The following ZBTB46 variants were observed in gnomAD, a reference collection of about 807,000 sequenced individuals.
ZBTB46 encodes zinc finger and BTB domain-containing protein 46.
Under a neutral mutation model 44.1 loss-of-function variants are expected in ZBTB46, and 8 were observed. The ratio of observed to expected loss-of-function variants is 0.18; its 90% CI spans 0.11 to 0.33. ZBTB46 has a LOEUF of 0.33. ZBTB46 is among the 10% of genes least tolerant of loss of function. ZBTB46 has a pLI of 1.00. For missense variants in ZBTB46, 651 were observed against 847.7 expected, an observed-to-expected ratio of 0.77 and a Z score of 2.88; for synonymous variants, 409 against 382.3, an observed-to-expected ratio of 1.07 and a Z score of -0.81.
chr20:63,775,694 C>G lies in ZBTB46; in HGVS notation c.1206G>C (p.Gly402=). ...GSLLFEYLPR[G]AHSLSLNEFT... is the part of the protein sequence containing the mutation. ...TGCACTTACGGGACAGCGAGTGGGCCCCTCTGGGCAGGTACTCGAACAGCA... is the reference window on the plus strand; with the variant it reads ...TGCACTTACGGGACAGCGAGTGGGCGCCTCTGGGCAGGTACTCGAACAGCA... Residue 402 remains glycine (G), a synonymous_variant, in exon 3 of 5, where the codon GGG becomes GGC. Transcript: ENST00000245663. 2 of 1,579,230 alleles carry G rather than the reference C, an allele frequency of 1.3e-6. No individual in the cohort carries two copies. Among genetic ancestry groups the G allele is most frequent in the Middle Eastern group, 3.5e-4 (2 of 5,788 alleles).
In ZBTB46 at chr20:63,748,865, A is replaced by G. The variant is rs553507487; in HGVS notation, c.1399-1564T>C. On this transcript the variant is annotated intron_variant, in intron 4 of 4. Transcript: ENST00000245663. ...TTCTCCCATGAGCAAGTACATACAT[A>G]ATCAATGTGTGTCATGGCGGAAGAC... Among the ~76,000 whole-genome samples the G allele has an allele frequency of 4.6e-5, 7 of 152,318 alleles. No homozygotes were observed. The East Asian group carries it at 5.8e-4, about 13-fold the overall frequency.
In ZBTB46 at chr20:63,814,092, G is replaced by A. The variant is rs1002575856; in HGVS notation, c.-34+17005C>T. Among the ~76,000 whole-genome samples, 5 of 152,118 alleles carry A rather than the reference G, an allele frequency of 3.3e-5. No homozygotes were observed. In the East Asian group the frequency reaches 7.7e-4, roughly 24 times the overall value. On this transcript the variant is annotated intron_variant, in intron 1 of 4. Coordinates refer to ENST00000245663, the MANE Select transcript of ZBTB46 (RefSeq NM_001369741.1). ...TATTAAAAATACAAAAATTAGCCGG[G>A]CATGGCAGTGGGCGCCTGTAGTCCC... is the stretch of plus-strand genomic sequence containing the variant.
At chr20:63,806,803 G>C (rs1365607749) in intron 1 of ZBTB46, among the ~76,000 whole-genome samples, 1 of 149,660 alleles carries the variant, frequency 6.7e-6, no homozygotes, top group Non-Finnish European at 1.5e-5. Context: ...TTTTTTTTGA[G>C]ATGGAGTCTC....
chr20:63,792,235 C>T (rs1354722691), intron 1 of ZBTB46, among the ~76,000 whole-genome samples: 1 of 152,184 alleles, frequency 6.6e-6, no homozygotes, highest in African/African-American at 2.4e-5. Flanking sequence ...GACACGTTCA[C>T]CCCACAGCCC....
In ZBTB46 at chr20:63,760,218, G is replaced by T. The variant is rs1317434815; in HGVS notation, c.1223-7357C>A. On this transcript the variant is annotated intron_variant, in intron 3 of 4. Transcript: ENST00000245663. ...CATTTTCTTCCGTTAAAATTGGAAA[G>T]AATTCACTAGTAAAGGCACTCGCCC... 4.6e-5 allele frequency among the ~76,000 whole-genome samples: 7 copies of T among 152,286 alleles called. No homozygotes were observed. In the Middle Eastern group the frequency reaches 0.017, roughly 370 times the overall value.
chr20:63,784,904 T>C (rs966880058), intron 2 of ZBTB46, among the ~76,000 whole-genome samples: 3 of 152,186 alleles, frequency 2.0e-5, no homozygotes, highest in African/African-American at 7.2e-5. Flanking sequence ...CGGCGTCGAA[T>C]GATCCACGGT....
chr20:63,833,286 C>T (rs1331102604), upstream of ZBTB46, among the ~76,000 whole-genome samples: 1 of 152,248 alleles, frequency 6.6e-6, no homozygotes, highest in Non-Finnish European at 1.5e-5. Flanking sequence ...TTAGGGCTGC[C>T]TGTCTTGGTA....
rs543425636 is a variant in ZBTB46 at position 63,771,452 on chromosome 20, G to A, written c.1222+4226C>T. Among the ~76,000 whole-genome samples, 37 of 152,286 alleles carry A rather than the reference G, an allele frequency of 2.4e-4. 1 individual carries two copies. In the Middle Eastern group the frequency reaches 0.01, roughly 42 times the overall value. ...CTGGCGCTCCCGCACGGTGTTGAGA[G>A]ACTTAGAAGTCCGTGAGTTCAACGC... On this transcript the variant is annotated intron_variant, in intron 3 of 4. Transcript: ENST00000245663.
At chr20:63,828,538 A>G (rs552204269) in intron 1 of ZBTB46, among the ~76,000 whole-genome samples, 129 of 152,338 alleles carry the variant, frequency 8.5e-4, no homozygotes, top group African/African-American at 3.1e-3. Flanking sequence ...AGTAGAGGGA[A>G]GTATCAACCA....
At chr20:63,794,434 C>A (rs2092585333) in intron 1 of ZBTB46, among the ~76,000 whole-genome samples, 1 of 152,064 alleles carries the variant, frequency 6.6e-6, no homozygotes, top group South Asian at 2.1e-4. Flanking sequence ...CTCAAGCGAT[C>A]TTCCCACCTC....
rs532829361 is a variant in ZBTB46, at chr20:63,780,621, T to C, written c.938-4659A>G. ...TTCAAGACCATCCTGGCTAACATGG[T>C]GAAACCCCGTCTCTACTAAAAATAC... On this transcript the variant is annotated intron_variant, in intron 2 of 4. Transcript: ENST00000245663. Among the ~76,000 whole-genome samples the C allele has an allele frequency of 2.1e-3, 325 of 151,556 alleles. 1 individual carries two copies. The highest frequency in any genetic ancestry group is 7.6e-3 in the African/African-American group (312 of 41,300).
chr20:63,818,475 C>T (rs2092772744), intron 1 of ZBTB46, among the ~76,000 whole-genome samples: 1 of 152,214 alleles, frequency 6.6e-6, no homozygotes, highest in Non-Finnish European at 1.5e-5. Context: ...AGGGCATGTT[C>T]TACAGCAACA....
intron 1 of ZBTB46, among the ~76,000 whole-genome samples, chr20:63,826,932 G>C (rs549036911): frequency 3.3e-5 from 5 of 152,196 alleles, no homozygotes; most frequent in Non-Finnish European, 7.3e-5. Context: ...TCTCCGGGAA[G>C]CAGGGTTTGG....
upstream of ZBTB46, among the ~76,000 whole-genome samples, chr20:63,831,462 C>T (rs1222794772): frequency 6.9e-6 from 1 of 144,880 alleles, no homozygotes; most frequent in East Asian, 2.0e-4. Flanking sequence ...CTCCCGGCGC[C>T]GCGCCGCGGG....
intron 1 of ZBTB46, among the ~76,000 whole-genome samples, chr20:63,808,322 CCAGCCCTTG>C (rs1219169989): frequency 1.4e-3 from 216 of 152,362 alleles, no homozygotes; most frequent in African/African-American, 4.9e-3. Flanking sequence ...GCCATCCTTC[CCAGCCCTTG>C]CCCCGGGGGC....
rs143964167 is a variant in ZBTB46 at position 63,769,724 on chromosome 20, G to A, written c.1222+5954C>T. Among the ~76,000 whole-genome samples the A allele has an allele frequency of 2.8e-3, 425 of 152,312 alleles. 1 individual carries two copies. Among genetic ancestry groups the A allele is most frequent in the African/African-American group, 9.7e-3 (404 of 41,576 alleles). On this transcript the variant is annotated intron_variant, in intron 3 of 4. Coordinates refer to ENST00000245663, the MANE Select transcript of ZBTB46 (RefSeq NM_001369741.1). Reference sequence around the variant, plus strand: ...CAAGGCACGCTGGCCTGGACCACCTGAAAGTGCAGCACCATGTCCACCAAA... The same window carrying A: ...CAAGGCACGCTGGCCTGGACCACCTAAAAGTGCAGCACCATGTCCACCAAA...
intron 1 of ZBTB46, among the ~76,000 whole-genome samples, chr20:63,791,120 C>G (rs1198706801): frequency 2.0e-5 from 3 of 152,238 alleles, no homozygotes. Flanking sequence ...CTGAGCAACT[C>G]TTACCCAAAC....
At chr20:63,753,676 C>T (rs944376150) in intron 3 of ZBTB46, among the ~76,000 whole-genome samples, 14 of 152,260 alleles carry the variant, frequency 9.2e-5, no homozygotes, top group African/African-American at 3.4e-4. Flanking sequence ...GGCTGCTCAC[C>T]CTGGGATTAC....
Position 63,775,892 on chromosome 20 carries a change from C to A in ZBTB46, c.1008G>T (p.Gln336His). Reference sequence around the variant, plus strand: ...CTCCTCCCAGGAGACCCTCCTCCACCTGTGCATAGAGCTCGGCCCTCTCTC... The same window carrying A: ...CTCCTCCCAGGAGACCCTCCTCCACATGTGCATAGAGCTCGGCCCTCTCTC... ...SRGERAELYA[Q>H]VEEGLLGGEA... The change falls in exon 3 of 5, where the codon CAG (glutamine) becomes CAT (histidine). Residue 336 changes from glutamine to histidine, a missense_variant. Coordinates refer to ENST00000245663, the MANE Select transcript of ZBTB46 (RefSeq NM_001369741.1). 1 of 1,611,500 alleles carries A rather than the reference C, an allele frequency of 6.2e-7. No individual in the cohort carries two copies. The highest frequency in any genetic ancestry group is 8.5e-7 in the Non-Finnish European group (1 of 1,179,534).
Sources: gnomAD v4.1 joint callset for allele counts (sites outside exome capture counted in the v4.1 genomes callset) on GRCh38, gnomAD v4.1.1 for gene constraint, MANE v1.5 for transcripts, NCBI Gene and HGNC (gene_info 2026-07-23, HGNC 2026-07-21) for gene names.